NKAIN3: variants seen among roughly 807,000 people sequenced by gnomAD.
NKAIN3 encodes sodium/potassium-transporting ATPase subunit beta-1-interacting protein 3.
NKAIN3 carries 25 observed loss-of-function variants against 30.2 expected under a neutral mutation model. The ratio of observed to expected loss-of-function variants is 0.83; its 90% CI spans 0.60 to 1.16. The LOEUF (loss-of-function observed/expected upper bound fraction) is 1.16. NKAIN3 is among the 50% of genes most tolerant of loss of function. The pLI is 0.00. For missense variants in NKAIN3, 225 were observed against 254.1 expected (o/e 0.89, Z 0.78); for synonymous variants, 91 against 89.6 (o/e 1.02, Z -0.09).
chr8:62,766,611 C>T (rs1816847830), intron 4 of NKAIN3, among the ~76,000 whole-genome samples: 1 of 152,028 alleles, frequency 6.6e-6, no homozygotes, highest in Non-Finnish European at 1.5e-5. Context: ...TCCCAGGACA[C>T]ACAAGTGAGA....
chr8:62,787,655 A>T (rs1231597925), intron 4 of NKAIN3, among the ~76,000 whole-genome samples: 1 of 152,154 alleles, frequency 6.6e-6, no homozygotes, highest in Non-Finnish European at 1.5e-5. Context: ...CATTAGGTAT[A>T]TCTCCTAATG....
At chr8:62,606,081 A>T (rs1388215702) in intron 3 of NKAIN3, among the ~76,000 whole-genome samples, 1 of 152,116 alleles carries the variant, frequency 6.6e-6, no homozygotes, top group Non-Finnish European at 1.5e-5. Context: ...ACTCTTAAAA[A>T]TTCCTTATAA....
chr8:62,390,053 G>A lies in NKAIN3; in HGVS notation c.54+140926G>A, dbSNP rs73259253. On this transcript the variant is annotated intron_variant, in intron 1 of 6. Transcript: ENST00000623646. ...TTAAATTTAACTTTTAAGTTCAGGGGTATATGTGTCGGCATCCCTGTTATA... is the reference window on the plus strand; with the variant it reads ...TTAAATTTAACTTTTAAGTTCAGGGATATATGTGTCGGCATCCCTGTTATA... Among the ~76,000 whole-genome samples, 854 of 152,094 alleles carry A rather than the reference G, an allele frequency of 5.6e-3. 8 individuals are homozygous for A. Among genetic ancestry groups the A allele is most frequent in the African/African-American group, 0.019 (781 of 41,476 alleles).
At chr8:62,653,596 C>G (rs1812686921) in intron 3 of NKAIN3, among the ~76,000 whole-genome samples, 1 of 151,980 alleles carries the variant, frequency 6.6e-6, no homozygotes, top group African/African-American at 2.4e-5. Context: ...CCTGATAGTT[C>G]AAAAATAAAG....
At chr8:62,916,536 C>T (rs1371645617) in intron 4 of NKAIN3, among the ~76,000 whole-genome samples, 2 of 152,110 alleles carry the variant, frequency 1.3e-5, no homozygotes, top group Admixed American at 1.3e-4. Context: ...CCTTCAAGTA[C>T]ACATTACGGC....
intron 1 of NKAIN3, among the ~76,000 whole-genome samples, chr8:62,282,495 G>A (rs1484699577): frequency 6.6e-6 from 1 of 152,146 alleles, no homozygotes; most frequent in Non-Finnish European, 1.5e-5. Flanking sequence ...CTGACAGATT[G>A]ACCTGGACTG....
chr8:62,291,479 C>A (rs970823989), intron 1 of NKAIN3, among the ~76,000 whole-genome samples: 8 of 152,080 alleles, frequency 5.3e-5, no homozygotes, highest in Non-Finnish European at 7.4e-5. Flanking sequence ...TTATTTCTGG[C>A]TTCATTTTGT....
At chr8:62,473,635 T>C (rs898750825) in intron 1 of NKAIN3, among the ~76,000 whole-genome samples, 2 of 152,182 alleles carry the variant, frequency 1.3e-5, no homozygotes. Flanking sequence ...TCTTCTTAGA[T>C]TGGCATTCAG....
chr8:62,658,341 G>A (rs1812829183), intron 3 of NKAIN3, among the ~76,000 whole-genome samples: 1 of 152,114 alleles, frequency 6.6e-6, no homozygotes, highest in African/African-American at 2.4e-5. Context: ...TAATTTCGCG[G>A]TGAGGATTCA....
At chr8:62,314,655 G>A (rs1158722484) in intron 1 of NKAIN3, among the ~76,000 whole-genome samples, 1 of 152,152 alleles carries the variant, frequency 6.6e-6, no homozygotes, top group Non-Finnish European at 1.5e-5. Flanking sequence ...TCACTCGCTT[G>A]TCAAGCTAGG....
intron 1 of NKAIN3, among the ~76,000 whole-genome samples, chr8:62,528,875 C>A (rs1234126100): frequency 6.6e-6 from 1 of 152,118 alleles, no homozygotes; most frequent in Non-Finnish European, 1.5e-5. Flanking sequence ...TGAGTGCCTA[C>A]ACTTTATATC....
intron 3 of NKAIN3, among the ~76,000 whole-genome samples, chr8:62,600,940 C>T (rs1810968083): frequency 6.6e-6 from 1 of 151,990 alleles, no homozygotes; most frequent in Non-Finnish European, 1.5e-5. Context: ...TTGTCTTGAT[C>T]AAGATTCATT....
chr8:62,743,389 CT>C (rs1457297340), intron 3 of NKAIN3, among the ~76,000 whole-genome samples: 1 of 152,014 alleles, frequency 6.6e-6, no homozygotes, highest in Non-Finnish European at 1.5e-5. Context: ...GGGTGTGATA[CT>C]TTTTTCCCCG....
rs1172146625 is a variant in NKAIN3 at position 62,969,384 on chromosome 8, G to A, written c.*3977G>A. ...AAAACAATCATGACTCTGCTAATTT[G>A]AGAAGCAAAAACCAAAATTTCTCTT... On this transcript the variant is annotated 3_prime_UTR_variant, in exon 7 of 7. Transcript: ENST00000623646. Among the ~76,000 whole-genome samples the A allele has an allele frequency of 6.6e-6, 1 of 152,186 alleles. No individual in the cohort carries two copies. The highest frequency in any genetic ancestry group is 2.4e-5 in the African/African-American group (1 of 41,452).
At chr8:62,907,432 C>A (rs1180447845) in intron 4 of NKAIN3, among the ~76,000 whole-genome samples, 1 of 152,130 alleles carries the variant, frequency 6.6e-6, no homozygotes, top group Non-Finnish European at 1.5e-5. Context: ...AAGCTGGCTG[C>A]AGAAATTTGT....
At chr8:62,301,270 A>G (rs868325130) in intron 1 of NKAIN3, among the ~76,000 whole-genome samples, 11 of 152,252 alleles carry the variant, frequency 7.2e-5, no homozygotes, top group Admixed American at 1.3e-4. Flanking sequence ...AGCTAGTGTT[A>G]AAAGAAAAAC....
intron 1 of NKAIN3, among the ~76,000 whole-genome samples, chr8:62,544,492 CTT>C (rs768828295): frequency 2.6e-5 from 4 of 151,982 alleles, no homozygotes; most frequent in African/African-American, 7.3e-5. Flanking sequence ...CACTTTAAAA[CTT>C]TATATTTACA....
intron 4 of NKAIN3, among the ~76,000 whole-genome samples, chr8:62,757,252 T>C (rs1392000227): frequency 6.6e-6 from 1 of 152,176 alleles, no homozygotes; most frequent in Non-Finnish European, 1.5e-5. Flanking sequence ...GAGTAACTAT[T>C]AGATTTTAAA....
In NKAIN3 at chr8:62,652,388, G is replaced by C. The variant is rs1306228597; in HGVS notation, c.273+62594G>C. ...AGACCAATTAATAAACTATGCAAAG[G>C]CTCTCCCCACACTGGCTGGCTTGTG... On this transcript the variant is annotated intron_variant, in intron 3 of 6. Coordinates refer to ENST00000623646, the MANE Select transcript of NKAIN3 (RefSeq NM_001304533.3). Among the ~76,000 whole-genome samples the C allele has an allele frequency of 3.9e-5, 6 of 152,126 alleles. 1 individual carries two copies. Among genetic ancestry groups the C allele is most frequent in the Admixed American group, 3.9e-4 (6 of 15,260 alleles).
Sources: gnomAD v4.1 joint callset for allele counts (sites outside exome capture counted in the v4.1 genomes callset) on GRCh38, gnomAD v4.1.1 for gene constraint, MANE v1.5 for transcripts, NCBI Gene and HGNC (gene_info 2026-07-23, HGNC 2026-07-21) for gene names.